TMEM219: variants seen among roughly 807,000 people sequenced by gnomAD.
TMEM219 encodes transmembrane protein 219, also known as insulin-like growth factor-binding protein 3 receptor.
A neutral mutation model predicts 17.9 loss-of-function variants in TMEM219; 18 were observed. The ratio of observed to expected loss-of-function variants is 1.01; its 90% CI spans 0.70 to 1.49. TMEM219 has a LOEUF of 1.49. Among genes scored for constraint, TMEM219 ranks in the 40% most tolerant of loss-of-function variants. The pLI, the probability that TMEM219 is intolerant of heterozygous loss-of-function variation, is 0.00. For synonymous variants in TMEM219, 113 were observed against 124.0 expected, an observed-to-expected ratio of 0.91 and a Z score of 0.59; for missense variants, 288 against 292.4, an observed-to-expected ratio of 0.99 and a Z score of 0.11.
At chr16:29,963,338 C>G (rs2069171185) in intron 2 of TMEM219, 30 bp downstream of exon 2, 1 of 1,613,936 alleles carries the variant, frequency 6.2e-7, no homozygotes, top group African/African-American at 1.3e-5. Context: ...ACCCGCTCTT[C>G]CTTCCAACCT....
intron 3 of TMEM219, among the ~76,000 whole-genome samples, chr16:29,967,108 T>C (rs1476335510): frequency 1.3e-5 from 2 of 152,208 alleles, no homozygotes; most frequent in Admixed American, 6.5e-5. Context: ...ACATGGGCAA[T>C]GTGTATCTGC....
At chr16:29,967,981 T>A in intron 3 of TMEM219, 44 bp from the exon 4 acceptor site, 3 of 1,421,336 alleles carry the variant, frequency 2.1e-6, no homozygotes, top group Non-Finnish European at 3.0e-6. Flanking sequence ...GGCTCCCGCG[T>A]CACCTCTCAT....
intron 5 of TMEM219, 41 bp downstream of exon 5, chr16:29,971,619 G>T: frequency 6.8e-7 from 1 of 1,481,180 alleles, no homozygotes; most frequent in Non-Finnish European, 9.2e-7. Flanking sequence ...CAGGGAATGG[G>T]GTGGGGGTGG....
chr16:29,967,698 C>T (rs144134254), intron 3 of TMEM219, among the ~76,000 whole-genome samples: 3,462 of 152,200 alleles, frequency 0.023, 136 homozygotes, highest in African/African-American at 0.079. Context: ...GAGGCCAAGG[C>T]GGGCGGATCA....
chr16:29,968,139 C>T lies in TMEM219; in HGVS notation c.470C>T (p.Pro157Leu). ...VPGILPSSQPPISCSEEGAGN... is the reference protein window; with the variant it reads ...VPGILPSSQPLISCSEEGAGN... The stretch of plus-strand genomic sequence containing the variant: ...GGAATCCTACCCTCCAGCCAGCCAC[C>T]CATATCCTGCTCAGAGGAGGGGGCT... The change falls in exon 4 of 6, where the codon CCC becomes CTC. Residue 157 changes from proline to leucine, a missense_variant. Coordinates refer to ENST00000279396, the MANE Select transcript of TMEM219 (RefSeq NM_001083613.2). The T allele has an allele frequency of 6.2e-7, 1 of 1,614,084 alleles. No homozygotes were observed. The highest frequency in any genetic ancestry group is 8.5e-7 in the Non-Finnish European group (1 of 1,180,016).
intron 3 of TMEM219, among the ~76,000 whole-genome samples, chr16:29,963,905 A>G (rs2069180301): frequency 7.0e-6 from 1 of 142,510 alleles, no homozygotes; most frequent in Non-Finnish European, 1.5e-5. Flanking sequence ...AAAAAAAATC[A>G]GGTGCGGTGG....
chr16:29,966,973 C>A (rs1048550141), intron 3 of TMEM219, among the ~76,000 whole-genome samples: 18 of 151,598 alleles, frequency 1.2e-4, no homozygotes, highest in Middle Eastern at 3.4e-3. Context: ...GAAATTTTCC[C>A]AAGGCCATTT....
intron 1 of TMEM219, among the ~76,000 whole-genome samples, chr16:29,962,488 G>A (rs924476158): frequency 1.3e-5 from 2 of 152,082 alleles, no homozygotes; most frequent in African/African-American, 4.8e-5. Context: ...CCCCTCCTGT[G>A]TTAAAGTCCG....
intron 1 of TMEM219, among the ~76,000 whole-genome samples, 179 bp downstream of exon 1, chr16:29,962,311 A>C (rs1477565978): frequency 1.3e-5 from 2 of 152,000 alleles, no homozygotes; most frequent in Non-Finnish European, 2.9e-5. Context: ...GAGGCGGGGC[A>C]GGGCTGAGCA....
intron 3 of TMEM219, among the ~76,000 whole-genome samples, chr16:29,966,946 A>G (rs534956116): frequency 6.6e-6 from 1 of 152,184 alleles, no homozygotes; most frequent in South Asian, 2.1e-4. Context: ...GTTTGACGCT[A>G]TGTTTTTTTC....
intron 5 of TMEM219, 192 bp downstream of exon 5, chr16:29,971,770 A>T (rs1204283975): frequency 2.2e-6 from 1 of 459,192 alleles, no homozygotes; most frequent in African/African-American, 2.0e-5. Context: ...TATTTTTCTA[A>T]TTACTTTAAC....
At chr16:29,964,168 C>A (rs1413238096) in intron 3 of TMEM219, among the ~76,000 whole-genome samples, 1 of 151,948 alleles carries the variant, frequency 6.6e-6, no homozygotes, top group African/African-American at 2.4e-5. Flanking sequence ...ACTAAAAATA[C>A]AAAAATTAGC....
At position 29,963,042 on chromosome 16, in the gene TMEM219, T is replaced by C. The variant is rs1394240009; in HGVS notation, c.-37-65T>C. The C allele has an allele frequency of 5.7e-6, 8 of 1,402,070 alleles. No individual in the cohort carries two copies. In the Admixed American group the frequency reaches 1.5e-4, roughly 26 times the overall value. The allele number at this position is 1,402,070 out of a possible 1,614,324, so 86.9% of individuals were successfully genotyped here. A position where few individuals can be genotyped will look rare whatever the true frequency, so the allele number is the denominator to read the frequency against. ...GCCTTGGGAAGTCCTTTGTCTTCTC[T>C]GAGCTTTCTTTTCTCTTTGCGTAAA... is the stretch of plus-strand genomic sequence containing the variant. On this transcript the variant is annotated intron_variant, in intron 1 of 5. Coordinates refer to ENST00000279396, the MANE Select transcript of TMEM219 (RefSeq NM_001083613.2).
At chr16:29,969,624 A>C (rs2069257571) in intron 4 of TMEM219, among the ~76,000 whole-genome samples, 1 of 151,674 alleles carries the variant, frequency 6.6e-6, no homozygotes, top group South Asian at 2.1e-4. Context: ...GGCTGCAGTG[A>C]GCCATGATTG....
At chr16:29,971,286 T>G in intron 4 of TMEM219, 122 bp from the exon 5 acceptor site, 1 of 999,114 alleles carries the variant, frequency 1.0e-6, no homozygotes, top group Non-Finnish European at 1.5e-6. Flanking sequence ...TATATGAAAA[T>G]AACATTTTCC....
intron 5 of TMEM219, 36 bp downstream of exon 5, chr16:29,971,614 A>G: frequency 3.5e-6 from 2 of 578,680 alleles, no homozygotes; most frequent in Non-Finnish European, 6.4e-6. Flanking sequence ...GGGAGCAGGG[A>G]ATGGGGTGGG....
chr16:29,968,493 A>T (rs1045166506), intron 4 of TMEM219: 3 of 467,782 alleles, frequency 6.4e-6, no homozygotes, highest in African/African-American at 5.8e-5. Context: ...AATGAGAATG[A>T]CCGTGAAGTG....
At chr16:29,972,857 C>CTTT (rs1369839614) in intron 5 of TMEM219, 93 bp from the exon 6 acceptor site, 2 of 152,244 alleles carry the variant, frequency 1.3e-5, no homozygotes, top group Non-Finnish European at 2.9e-5. Context: ...AGCTGTCACT[C>CTTT]CCTCTGCTCC....
rs2150864287 is a variant in TMEM219, at chr16:29,968,013, T to C, written c.356-12T>C. ...TCATTTTCTTCCATTTTCTCTTCTG[T>C]GCCTTTCACAGGATCTTCTGCAGGA... On this transcript the variant is annotated splice_polypyrimidine_tract_variant and intron_variant, in intron 3 of 5. Coordinates refer to ENST00000279396, the MANE Select transcript of TMEM219 (RefSeq NM_001083613.2). 1 of 1,603,388 alleles carries C rather than the reference T, an allele frequency of 6.2e-7. No individual in the cohort carries two copies. The highest frequency in any genetic ancestry group is 8.5e-7 in the Non-Finnish European group (1 of 1,170,474).
Sources: allele counts gnomAD v4.1 joint callset (sites outside exome capture counted in the v4.1 genomes callset), GRCh38; gene constraint gnomAD v4.1.1; transcripts MANE v1.5; gene names NCBI Gene and HGNC (gene_info 2026-07-23, HGNC 2026-07-21).